GNG12: variants seen among roughly 807,000 people sequenced by gnomAD.
The protein encoded by GNG12 is guanine nucleotide-binding protein G(I)/G(S)/G(O) subunit gamma-12.
For missense variants in GNG12, 69 were observed against 83.8 expected, an observed-to-expected ratio of 0.82 and a Z score of 0.69; for synonymous variants, 28 against 29.7, an observed-to-expected ratio of 0.94 and a Z score of 0.19.
At chr1:67,758,525 T>C (rs528954934) in intron 2 of GNG12, among the ~76,000 whole-genome samples, 1 of 152,308 alleles carries the variant, frequency 6.6e-6, no homozygotes, top group East Asian at 1.9e-4. Flanking sequence ...TTGGGGAGCA[T>C]GCTGGACAGG....
intron 2 of GNG12, among the ~76,000 whole-genome samples, chr1:67,709,814 ATATATATATATAAATATATATATATTTG>A (rs1459826079): frequency 7.6e-6 from 1 of 131,450 alleles, no homozygotes; most frequent in African/African-American, 2.9e-5. Flanking sequence ...AGTTGCAGAT[ATATATATATATAAATATATATATATTTG>A]TATATATATT....
chr1:67,723,081 G>A (rs1646365044), intron 2 of GNG12, among the ~76,000 whole-genome samples: 1 of 152,178 alleles, frequency 6.6e-6, no homozygotes, highest in African/African-American at 2.4e-5. Context: ...GTTAGTGCAT[G>A]AGATTTCAAA....
intron 2 of GNG12, among the ~76,000 whole-genome samples, chr1:67,755,077 A>C (rs998771774): frequency 6.6e-6 from 1 of 152,260 alleles, no homozygotes; most frequent in African/African-American, 2.4e-5. Flanking sequence ...AGAGAGATGC[A>C]TAAGAAACAG....
In GNG12 at chr1:67,710,580, A is replaced by G. The variant is rs150447227; in HGVS notation, c.-26-2868T>C. 2.0e-5 allele frequency among the ~76,000 whole-genome samples: 3 copies of G among 152,250 alleles called. No homozygotes were observed. In the East Asian group the frequency reaches 5.8e-4, roughly 29 times the overall value. ...ACAGTCAGACTCTATTAATATTTAT[A>G]AAATGCTCGGGTAGGTCCCTCTAAA... On this transcript the variant is annotated intron_variant, in intron 2 of 3. Coordinates refer to ENST00000370982, the MANE Select transcript of GNG12 (RefSeq NM_018841.6).
At chr1:67,761,355 A>T (rs956858895) in intron 2 of GNG12, among the ~76,000 whole-genome samples, 4 of 152,222 alleles carry the variant, frequency 2.6e-5, no homozygotes, top group Admixed American at 6.5e-5. Flanking sequence ...AGTTTAAAAG[A>T]TTTCCAAGAT....
chr1:67,723,484 T>C (rs1207545009), intron 2 of GNG12, among the ~76,000 whole-genome samples: 2 of 152,228 alleles, frequency 1.3e-5, no homozygotes, highest in Non-Finnish European at 2.9e-5. Flanking sequence ...TGCCAGGTTG[T>C]ATGAATTTTA....
At chr1:67,781,963 A>C (rs1174463694) in intron 1 of GNG12, among the ~76,000 whole-genome samples, 1 of 152,162 alleles carries the variant, frequency 6.6e-6, no homozygotes, top group African/African-American at 2.4e-5. Flanking sequence ...TGGGTCTTTA[A>C]ATTTAAATAC....
chr1:67,786,925 T>A (rs114031917), intron 1 of GNG12, among the ~76,000 whole-genome samples: 1,624 of 75,796 alleles, frequency 0.021, 63 homozygotes, highest in African/African-American at 0.093. Context: ...TAACAGAGAC[T>A]TATATATATA....
At chr1:67,818,763 C>T (rs1570573962) in intron 1 of GNG12, among the ~76,000 whole-genome samples, 1 of 152,068 alleles carries the variant, frequency 6.6e-6, no homozygotes, top group East Asian at 1.9e-4. Context: ...GTGTGGCCGG[C>T]ATGGTTATGA....
intron 1 of GNG12, among the ~76,000 whole-genome samples, chr1:67,810,677 C>T (rs1646919624): frequency 6.6e-6 from 1 of 152,170 alleles, no homozygotes. Flanking sequence ...TAAATTCTCC[C>T]TCCTCCTCCC....
chr1:67,707,514 C>G (rs1409761571), intron 3 of GNG12, 80 bp downstream of exon 3: 1 of 802,426 alleles, frequency 1.2e-6, no homozygotes, highest in African/African-American at 1.8e-5. Context: ...ATGGTATTAT[C>G]TTCTCTGACA....
intron 2 of GNG12, among the ~76,000 whole-genome samples, chr1:67,766,357 T>C (rs1227628492): frequency 6.6e-6 from 1 of 150,852 alleles, no homozygotes; most frequent in African/African-American, 2.4e-5. Flanking sequence ...CGCACAGTGC[T>C]AGAAAGATAT....
At chr1:67,751,915 G>A (rs766235371) in intron 2 of GNG12, among the ~76,000 whole-genome samples, 2 of 152,160 alleles carry the variant, frequency 1.3e-5, no homozygotes, top group African/African-American at 2.4e-5. Context: ...AAGCTAAGTC[G>A]GCATTTAAGT....
chr1:67,813,193 T>C (rs1301659261), intron 1 of GNG12, among the ~76,000 whole-genome samples: 2 of 152,152 alleles, frequency 1.3e-5, no homozygotes, highest in African/African-American at 2.4e-5. Context: ...AGAAATGCAG[T>C]TGCTGAATAC....
At chr1:67,784,112 T>C (rs1247691495) in intron 1 of GNG12, among the ~76,000 whole-genome samples, 3 of 150,046 alleles carry the variant, frequency 2.0e-5, no homozygotes, top group African/African-American at 4.9e-5. Context: ...GTGGCACATA[T>C]ACACCATGGA....
At chr1:67,732,715 AAGG>A (rs1238079427) in intron 2 of GNG12, among the ~76,000 whole-genome samples, 1 of 152,186 alleles carries the variant, frequency 6.6e-6, no homozygotes, top group East Asian at 1.9e-4. Flanking sequence ...ACTGAGGCAA[AAGG>A]AGATTTAATG....
In GNG12 at chr1:67,703,037, C is replaced by T. The variant is rs1055963396; in HGVS notation, c.*2414G>A. 3 of 152,146 alleles carry T rather than the reference C, an allele frequency of 2.0e-5. No individual in the cohort carries two copies. Among genetic ancestry groups the T allele is most frequent in the Non-Finnish European group, 4.4e-5 (3 of 68,024 alleles). 9.4% of individuals were successfully genotyped at this position (152,146 alleles called of 1,614,324 possible). A position where few individuals can be genotyped will look rare whatever the true frequency, so the allele number is the denominator to read the frequency against. On this transcript the variant is annotated 3_prime_UTR_variant, in exon 4 of 4. Transcript: ENST00000370982. ...GATAAAAAAAGTGACTTCTGCATAT[C>T]ATATATATGTATACATATATTTTCT...
chr1:67,755,397 A>T (rs1646562242), intron 2 of GNG12, among the ~76,000 whole-genome samples: 1 of 152,178 alleles, frequency 6.6e-6, no homozygotes, highest in Non-Finnish European at 1.5e-5. Context: ...ATTAGGTACA[A>T]ATCTTGTTTC....
chr1:67,740,611 G>A (rs936771421), intron 2 of GNG12, among the ~76,000 whole-genome samples: 2 of 152,214 alleles, frequency 1.3e-5, no homozygotes, highest in Admixed American at 6.5e-5. Context: ...ATATATAATT[G>A]CTACGGTTTA....
Sources: allele counts gnomAD v4.1 joint callset (sites outside exome capture counted in the v4.1 genomes callset), GRCh38; gene constraint gnomAD v4.1.1; transcripts MANE v1.5; gene names NCBI Gene and HGNC (gene_info 2026-07-23, HGNC 2026-07-21).